ARNT2: variants seen among roughly 807,000 people sequenced by gnomAD.
The protein encoded by ARNT2 is aryl hydrocarbon receptor nuclear translocator 2.
A neutral mutation model predicts 91.7 loss-of-function variants in ARNT2; 36 were observed. That is an observed-to-expected ratio of 0.39 (90% CI 0.30 to 0.52). The LOEUF (loss-of-function observed/expected upper bound fraction) is 0.52. Ranked by LOEUF, ARNT2 falls within the 20% of genes least tolerant of loss-of-function variation. ARNT2 has a pLI of 0.72. For missense variants in ARNT2, 775 were observed against 939.3 expected, an observed-to-expected ratio of 0.83 and a Z score of 2.29; for synonymous variants, 365 against 347.1, an observed-to-expected ratio of 1.05 and a Z score of -0.57.
chr15:80,489,304 T>C (rs1897020259), intron 5 of ARNT2, among the ~76,000 whole-genome samples: 1 of 152,266 alleles, frequency 6.6e-6, no homozygotes, highest in Non-Finnish European at 1.5e-5. Flanking sequence ...ATTGCTTTTT[T>C]AGTAGAAGCT....
chr15:80,507,046 GGGGGCAGTGAGTGT>G (rs2141423212), intron 5 of ARNT2, among the ~76,000 whole-genome samples: 1 of 152,344 alleles, frequency 6.6e-6, no homozygotes, highest in East Asian at 1.9e-4. Context: ...GACACCAAAA[GGGGGCAGTGAGTGT>G]GGACAGAACC....
chr15:80,537,928 T>A lies in ARNT2; in HGVS notation c.878-13271T>A, dbSNP rs556168500. ...GGTCATACCTACCTATTAGAGTGAG[T>A]CCCTAATCCAGTATGACTGATGTCC... is the stretch of plus-strand genomic sequence containing the variant. On this transcript the variant is annotated intron_variant, in intron 8 of 18. Transcript: ENST00000303329. Among the ~76,000 whole-genome samples, 52 of 152,270 alleles carry A rather than the reference T, an allele frequency of 3.4e-4. No homozygotes were observed. In the South Asian group the frequency reaches 9.8e-3, roughly 29 times the overall value.
chr15:80,412,446 C>G (rs1895696738), intron 1 of ARNT2, among the ~76,000 whole-genome samples: 1 of 152,054 alleles, frequency 6.6e-6, no homozygotes, highest in South Asian at 2.1e-4. Flanking sequence ...ATTCTGCCAC[C>G]CATAACTAAC....
At chr15:80,569,612 G>T (rs1898550847) in intron 12 of ARNT2, among the ~76,000 whole-genome samples, 1 of 152,176 alleles carries the variant, frequency 6.6e-6, no homozygotes. Flanking sequence ...GAGCAGTTAG[G>T]GTCCTGGGGA....
intron 5 of ARNT2, among the ~76,000 whole-genome samples, chr15:80,500,147 G>C (rs138281011): frequency 1.1e-4 from 16 of 152,274 alleles, no homozygotes; most frequent in African/African-American, 3.6e-4. Context: ...GCAGGCCTCA[G>C]GCACACTGGT....
At chr15:80,590,927 G>A (rs755034917) in intron 17 of ARNT2, among the ~76,000 whole-genome samples, 2 of 152,140 alleles carry the variant, frequency 1.3e-5, no homozygotes, top group Admixed American at 6.5e-5. Flanking sequence ...ACAAACTGAC[G>A]CAAAGAAAAC....
chr15:80,461,647 G>A (rs1479763955), intron 3 of ARNT2, among the ~76,000 whole-genome samples: 1 of 152,092 alleles, frequency 6.6e-6, no homozygotes, highest in African/African-American at 2.4e-5. Context: ...CCCCTGCAGA[G>A]GCTGTCTTGG....
At chr15:80,428,956 G>A (rs763057145) in intron 1 of ARNT2, among the ~76,000 whole-genome samples, 1 of 152,086 alleles carries the variant, frequency 6.6e-6, no homozygotes, top group Non-Finnish European at 1.5e-5. Flanking sequence ...ATATGTCATC[G>A]GGAGATTCTT....
chr15:80,575,431 A>T (rs1468383683), intron 14 of ARNT2, among the ~76,000 whole-genome samples: 1 of 152,182 alleles, frequency 6.6e-6, no homozygotes, highest in Non-Finnish European at 1.5e-5. Flanking sequence ...CACTGCAGAG[A>T]GCCCTGGGCA....
intron 5 of ARNT2, among the ~76,000 whole-genome samples, chr15:80,494,270 G>A (rs2141413845): frequency 6.6e-6 from 1 of 152,088 alleles, no homozygotes; most frequent in East Asian, 1.9e-4. Flanking sequence ...CTTCATGAAT[G>A]CAGATTTTTC....
Position 80,551,288 on chromosome 15 carries a change from T to C in ARNT2, c.954+13T>C, listed in dbSNP as rs943985961. 6.2e-7 allele frequency: 1 copy of C among 1,610,600 alleles called. No homozygotes were observed. The highest frequency in any genetic ancestry group is 2.2e-5 in the East Asian group (1 of 44,878). On this transcript the variant is annotated intron_variant, in intron 9 of 18. Coordinates refer to ENST00000303329, the MANE Select transcript of ARNT2 (RefSeq NM_014862.4). ...TGGGAGACTCCAGGTAAGAAAAAAT[T>C]CGTAGCCTTTTTAATCTTAAATGAA... is the stretch of plus-strand genomic sequence containing the variant.
In ARNT2 at chr15:80,593,734, AC is replaced by A. The variant is rs1157814875; in HGVS notation, c.*39del. ...AGTGAGGCTCCTGCTGTACAGTGCCACCCATACTGTGATGTCGATGCCCATG... is the reference window on the plus strand; with the variant it reads ...AGTGAGGCTCCTGCTGTACAGTGCCACCATACTGTGATGTCGATGCCCATG... On this transcript the variant is annotated 3_prime_UTR_variant, in exon 19 of 19. Coordinates refer to ENST00000303329, the MANE Select transcript of ARNT2 (RefSeq NM_014862.4). The A allele has an allele frequency of 6.5e-7, 1 of 1,546,208 alleles. No individual in the cohort carries two copies.
intron 8 of ARNT2, among the ~76,000 whole-genome samples, chr15:80,524,342 G>C (rs1390619181): frequency 6.6e-6 from 1 of 152,208 alleles, no homozygotes; most frequent in African/African-American, 2.4e-5. Context: ...TAACCTGGCA[G>C]TGTGTATTAA....
At position 80,574,271 on chromosome 15, in the gene ARNT2, G is replaced by A. The variant is rs74900484; in HGVS notation, c.1389+51G>A. 39,064 of 1,548,174 alleles carry A rather than the reference G, an allele frequency of 0.025. 3,893 individuals carry two copies. In the East Asian group the frequency reaches 0.33, roughly 13 times the overall value. ...TGTTGGAATTGTCTCCAGCCCAATGGACTTGGGACTCAATTCAGCCCTGAG... is the reference window on the plus strand; with the variant it reads ...TGTTGGAATTGTCTCCAGCCCAATGAACTTGGGACTCAATTCAGCCCTGAG... On this transcript the variant is annotated intron_variant, in intron 13 of 18. Transcript: ENST00000303329.
chr15:80,558,395 A>G (rs1257887366), intron 11 of ARNT2, among the ~76,000 whole-genome samples: 1 of 134,992 alleles, frequency 7.4e-6, no homozygotes, highest in East Asian at 2.2e-4. Flanking sequence ...GGAGTGCAGT[A>G]GTGGCACAAT....
chr15:80,544,627 AT>A (rs1897962558), intron 8 of ARNT2, among the ~76,000 whole-genome samples: 3 of 152,176 alleles, frequency 2.0e-5, no homozygotes, highest in Non-Finnish European at 2.9e-5. Context: ...TGCTTCCTGA[AT>A]GCACTTCATT....
In ARNT2 at chr15:80,405,421, G is replaced by A. The variant is rs139024595; in HGVS notation, c.31+875G>A. On this transcript the variant is annotated intron_variant, in intron 1 of 18. Coordinates refer to ENST00000303329, the MANE Select transcript of ARNT2 (RefSeq NM_014862.4). ...AGGTTGCTGGGTCCCTGTGGAAGAT[G>A]CAGGGAGAGTCACAGAGGGCGGCCC... Among the ~76,000 whole-genome samples the A allele has an allele frequency of 1.1e-4, 16 of 152,248 alleles. No individual in the cohort carries two copies. The East Asian group carries it at 2.5e-3, about 24-fold the overall frequency.
intron 8 of ARNT2, among the ~76,000 whole-genome samples, chr15:80,526,827 C>T (rs1897647616): frequency 6.6e-6 from 1 of 152,238 alleles, no homozygotes; most frequent in Non-Finnish European, 1.5e-5. Flanking sequence ...GCCATGAGCT[C>T]ATCTACAAGA....
At position 80,535,367 on chromosome 15, in the gene ARNT2, T is replaced by C. The variant is rs566724901; in HGVS notation, c.878-15832T>C. ...TCTTAAACAAAAATGGAGTCCGTTA[T>C]GTTCATTATTTTGCTGTTTCACTGT... On this transcript the variant is annotated intron_variant, in intron 8 of 18. Transcript: ENST00000303329. Among the ~76,000 whole-genome samples, 14 of 152,358 alleles carry C rather than the reference T, an allele frequency of 9.2e-5. 1 individual carries two copies. In the South Asian group the frequency reaches 2.9e-3, roughly 32 times the overall value.
Sources: allele counts gnomAD v4.1 joint callset (sites outside exome capture counted in the v4.1 genomes callset), GRCh38; gene constraint gnomAD v4.1.1; transcripts MANE v1.5; gene names NCBI Gene and HGNC (gene_info 2026-07-23, HGNC 2026-07-21).